The following CREB5 variants were observed in gnomAD, a reference collection of about 807,000 sequenced individuals.
CREB5 encodes cyclic AMP-responsive element-binding protein 5.
Under a neutral mutation model 57.1 loss-of-function variants are expected in CREB5, and 19 were observed. That is an observed-to-expected ratio of 0.33 (90% CI 0.23 to 0.49). The LOEUF (loss-of-function observed/expected upper bound fraction) is 0.49, where lower values mean the gene tolerates loss of function less well. Among genes scored for constraint, CREB5 ranks in the 20% least tolerant of loss-of-function variants. CREB5 has a pLI of 0.99. For missense variants in CREB5, 579 were observed against 671.6 expected (o/e 0.86, Z 1.52); for synonymous variants, 238 against 238.3 (o/e 1.00, Z 0.01).
chr7:28,467,277 T>G (rs1189591274), intron 1 of CREB5, among the ~76,000 whole-genome samples: 1 of 152,162 alleles, frequency 6.6e-6, no homozygotes, highest in African/African-American at 2.4e-5. Flanking sequence ...AGACTTGCCA[T>G]TCTCTCAGTG....
intron 5 of CREB5, among the ~76,000 whole-genome samples, chr7:28,650,580 A>G (rs1799086740): frequency 6.6e-6 from 1 of 152,022 alleles, no homozygotes; most frequent in Admixed American, 6.6e-5. Flanking sequence ...ACTAAGAATT[A>G]GCCTAGTGCT....
At chr7:28,442,534 T>C (rs1278974250) in intron 1 of CREB5, among the ~76,000 whole-genome samples, 1 of 152,176 alleles carries the variant, frequency 6.6e-6, no homozygotes, top group Admixed American at 6.6e-5. Context: ...TTTCATACTG[T>C]TTTCTATAAT....
At chr7:28,403,845 CTT>C (rs1787525811) in intron 1 of CREB5, among the ~76,000 whole-genome samples, 1 of 152,118 alleles carries the variant, frequency 6.6e-6, no homozygotes, top group Non-Finnish European at 1.5e-5. Context: ...AAGTCAGTCT[CTT>C]GACTTGTCAT....
chr7:28,369,726 C>T (rs1484146309), intron 1 of CREB5, among the ~76,000 whole-genome samples: 1 of 152,182 alleles, frequency 6.6e-6, no homozygotes, highest in Non-Finnish European at 1.5e-5. Flanking sequence ...GCAGGGCAGA[C>T]CCTGGGGAGT....
At chr7:28,429,840 G>C (rs546134336) in intron 1 of CREB5, among the ~76,000 whole-genome samples, 15 of 152,312 alleles carry the variant, frequency 9.8e-5, no homozygotes, top group African/African-American at 3.6e-4. Context: ...TTATCAAGGT[G>C]CTGGGGGCAC....
At chr7:28,556,478 G>T (rs1794883846) in intron 4 of CREB5, among the ~76,000 whole-genome samples, 1 of 152,118 alleles carries the variant, frequency 6.6e-6, no homozygotes, top group African/African-American at 2.4e-5. Flanking sequence ...GCCCAATCAT[G>T]ATTTTTTAGG....
At chr7:28,460,859 G>A (rs1331341551) in intron 1 of CREB5, among the ~76,000 whole-genome samples, 2 of 152,074 alleles carry the variant, frequency 1.3e-5, no homozygotes, top group Non-Finnish European at 2.9e-5. Context: ...TGGAAAAGGA[G>A]AAGAAAGCCT....
intron 4 of CREB5, among the ~76,000 whole-genome samples, chr7:28,560,837 TGTGTGTGC>T (rs1795094840): frequency 1.1e-5 from 1 of 92,288 alleles, no homozygotes; most frequent in Non-Finnish European, 2.3e-5. Flanking sequence ...CGCGCGCGTG[TGTGTGTGC>T]GCGTGTGTGT....
At chr7:28,595,331 A>G (rs1453058457) in intron 5 of CREB5, among the ~76,000 whole-genome samples, 3 of 152,100 alleles carry the variant, frequency 2.0e-5, no homozygotes, top group African/African-American at 4.8e-5. Flanking sequence ...CAGATGTTCC[A>G]TCAGCTCAGG....
In CREB5 at chr7:28,779,507, C is replaced by T. The variant is rs139996997; in HGVS notation, c.703-24692C>T. Among the ~76,000 whole-genome samples the T allele has an allele frequency of 6.3e-3, 957 of 152,300 alleles. 11 individuals carry two copies. The highest frequency in any genetic ancestry group is 0.022 in the African/African-American group (900 of 41,556). On this transcript the variant is annotated intron_variant, in intron 7 of 10. Coordinates refer to ENST00000357727, the MANE Select transcript of CREB5 (RefSeq NM_182898.4). ...CCTCATCCAGGCCTGCCAACCCTAA[C>T]TGCCCTCAATTGGTGACAGTTCCCG...
chr7:28,581,383 C>T (rs964372450), intron 5 of CREB5, among the ~76,000 whole-genome samples: 1 of 152,182 alleles, frequency 6.6e-6, no homozygotes, highest in Non-Finnish European at 1.5e-5. Context: ...GAAGCTGCGC[C>T]TGGTGAAAAG....
In CREB5 at chr7:28,477,149, C is replaced by A. The variant is rs140526718; in HGVS notation, c.4-11026C>A. Among the ~76,000 whole-genome samples, 7 of 152,348 alleles carry A rather than the reference C, an allele frequency of 4.6e-5. No individual in the cohort carries two copies. The East Asian group carries it at 1.4e-3, about 29-fold the overall frequency. ...GTGCCCAAGTTGAATCATATTTGAACAAGTTCACTGTGATGGGTAATCAAT... is the reference window on the plus strand; with the variant it reads ...GTGCCCAAGTTGAATCATATTTGAAAAAGTTCACTGTGATGGGTAATCAAT... On this transcript the variant is annotated intron_variant, in intron 1 of 10. Transcript: ENST00000357727.
intron 5 of CREB5, among the ~76,000 whole-genome samples, chr7:28,614,785 C>A (rs1281418357): frequency 6.6e-6 from 1 of 152,164 alleles, no homozygotes; most frequent in African/African-American, 2.4e-5. Context: ...TGAACTCCAT[C>A]ACCCAACCTG....
At chr7:28,471,454 C>A (rs147938268) in intron 1 of CREB5, among the ~76,000 whole-genome samples, 1,879 of 152,174 alleles carry the variant, frequency 0.012, 34 homozygotes, top group African/African-American at 0.042. Context: ...ATGCCAAAAC[C>A]ATGCTCTTTC....
intron 6 of CREB5, 22 bp from the exon 7 acceptor site, chr7:28,724,200 T>G: frequency 6.2e-7 from 1 of 1,604,450 alleles, no homozygotes; most frequent in Non-Finnish European, 8.5e-7. Flanking sequence ...GACTTCTAAT[T>G]CTTTTCTTTC....
chr7:28,306,541 GTTTTGTTTTTTTTGTTTT>G lies in CREB5; in HGVS notation c.-25+7105_-25+7122del, dbSNP rs1337065635. 1.8e-4 allele frequency among the ~76,000 whole-genome samples: 8 copies of G among 44,448 alleles called. No individual in the cohort carries two copies. In the East Asian group the frequency reaches 3.6e-3, roughly 20 times the overall value. The allele number at this position is 44,448 out of a possible 152,430, so 29.2% of individuals were successfully genotyped here. A position where few individuals can be genotyped will look rare whatever the true frequency, so the allele number is the denominator to read the frequency against. On this transcript the variant is annotated intron_variant, in intron 1 of 9. Coordinates refer to the CREB5 transcript ENST00000396299. ...ACTGGTGCCAGTACATACAGATACA[GTTTTGTTTTTTTTGTTTT>G]TTTTTTTTTTTTTTTTTTTGAGACG...
intron 1 of CREB5, among the ~76,000 whole-genome samples, chr7:28,485,188 T>C (rs1264279575): frequency 6.6e-6 from 1 of 152,182 alleles, no homozygotes; most frequent in East Asian, 1.9e-4. Flanking sequence ...CTTTGGCTTA[T>C]TAATGAATCT....
At chr7:28,524,892 C>T (rs1023916211) in intron 4 of CREB5, among the ~76,000 whole-genome samples, 1 of 152,118 alleles carries the variant, frequency 6.6e-6, no homozygotes, top group African/African-American at 2.4e-5. Context: ...ACTATAGTTA[C>T]CATACTGTGC....
chr7:28,459,903 C>T (rs1453238291), intron 1 of CREB5, among the ~76,000 whole-genome samples: 1 of 152,150 alleles, frequency 6.6e-6, no homozygotes, highest in Admixed American at 6.5e-5. Context: ...ATCATTATCC[C>T]CATTTTATAG....
Sources: allele counts gnomAD v4.1 joint callset (sites outside exome capture counted in the v4.1 genomes callset), GRCh38; gene constraint gnomAD v4.1.1; transcripts MANE v1.5; gene names NCBI Gene and HGNC (gene_info 2026-07-23, HGNC 2026-07-21).